The following ZNF536 variants were observed in gnomAD, a reference collection of about 807,000 sequenced individuals.
ZNF536 encodes the protein zinc finger protein 536.
ZNF536 carries 13 observed loss-of-function variants against 84.5 expected under a neutral mutation model. That is an observed-to-expected ratio of 0.15 (90% CI 0.10 to 0.24). The LOEUF (loss-of-function observed/expected upper bound fraction) is 0.24, where lower values mean the gene tolerates loss of function less well. Ranked by LOEUF, ZNF536 falls within the 10% of genes least tolerant of loss-of-function variation. ZNF536 has a pLI of 1.00. For synonymous variants in ZNF536, 811 were observed against 742.5 expected (o/e 1.09, Z -1.50); for missense variants, 1,536 against 1,747.5 (o/e 0.88, Z 2.16).
At chr19:30,486,813 G>C (rs1039124651) in intron 2 of ZNF536, among the ~76,000 whole-genome samples, 1 of 152,078 alleles carries the variant, frequency 6.6e-6, no homozygotes, top group African/African-American at 2.4e-5. Flanking sequence ...CATCTCATCT[G>C]TTTTTGGCCT....
intron 1 of ZNF536, among the ~76,000 whole-genome samples, chr19:30,651,861 C>T (rs1203921437): frequency 6.6e-6 from 1 of 152,208 alleles, no homozygotes; most frequent in Non-Finnish European, 1.5e-5. Flanking sequence ...CTCTTTTGTT[C>T]TAACAGAAGC....
chr19:30,242,010 A>G (rs552656373), intron 1 of ZNF536, among the ~76,000 whole-genome samples: 5 of 152,146 alleles, frequency 3.3e-5, no homozygotes, highest in Admixed American at 2.0e-4. Context: ...CTTTCTTTGC[A>G]TGGGGAAGGG....
At chr19:30,418,366 T>C (rs1568409666) in intron 1 of ZNF536, among the ~76,000 whole-genome samples, 1 of 152,178 alleles carries the variant, frequency 6.6e-6, no homozygotes, top group African/African-American at 2.4e-5. Flanking sequence ...ATTCCCACCG[T>C]GGGTGCAGCA....
chr19:30,419,737 C>T (rs1262338477), intron 1 of ZNF536, among the ~76,000 whole-genome samples: 2 of 152,180 alleles, frequency 1.3e-5, no homozygotes, highest in Non-Finnish European at 2.9e-5. Flanking sequence ...AGAGGCAGCA[C>T]GCTCCGTCTC....
chr19:30,264,395 C>CTGTGTGTGTGTGTGTG (rs66665013), intron 1 of ZNF536, among the ~76,000 whole-genome samples: 1 of 124,556 alleles, frequency 8.0e-6, no homozygotes, highest in Non-Finnish European at 1.9e-5. Flanking sequence ...AGTTGTGCCT[C>CTGTGTGTGTGTGTGTG]TGTGTGTGTG....
chr19:30,247,701 C>T (rs1409980625), intron 1 of ZNF536, among the ~76,000 whole-genome samples: 1 of 152,094 alleles, frequency 6.6e-6, no homozygotes, highest in Non-Finnish European at 1.5e-5. Context: ...TGGTGGTATA[C>T]ACCTTTAGTC....
At chr19:30,303,303 C>G (rs2046245304) in intron 2 of ZNF536, among the ~76,000 whole-genome samples, 1 of 152,180 alleles carries the variant, frequency 6.6e-6, no homozygotes, top group African/African-American at 2.4e-5. Context: ...AGCTCGGTGG[C>G]TGGTGCATCT....
intron 1 of ZNF536, among the ~76,000 whole-genome samples, chr19:30,568,044 T>A (rs1348342307): frequency 6.6e-6 from 1 of 152,218 alleles, no homozygotes; most frequent in South Asian, 2.1e-4. Context: ...TAAAAACATA[T>A]GGTGCCTGTA....
chr19:30,350,770 C>T (rs1427652111), intron 2 of ZNF536, among the ~76,000 whole-genome samples: 1 of 152,164 alleles, frequency 6.6e-6, no homozygotes, highest in Non-Finnish European at 1.5e-5. Context: ...TTGTTCTGTG[C>T]CACAAATATA....
At chr19:30,344,679 T>G (rs1432984784) in intron 2 of ZNF536, among the ~76,000 whole-genome samples, 1 of 151,478 alleles carries the variant, frequency 6.6e-6, no homozygotes, top group Non-Finnish European at 1.5e-5. Flanking sequence ...GCAGGCCATT[T>G]TTTTTTAAAG....
At chr19:30,706,998 A>G (rs1169109653) in intron 1 of ZNF536, among the ~76,000 whole-genome samples, 6 of 152,212 alleles carry the variant, frequency 3.9e-5, no homozygotes, top group Non-Finnish European at 8.8e-5. Flanking sequence ...GCCTCCAGCT[A>G]CAAATTGGGC....
At chr19:30,238,624 C>T (rs970955715) in intron 1 of ZNF536, among the ~76,000 whole-genome samples, 2 of 152,130 alleles carry the variant, frequency 1.3e-5, no homozygotes, top group South Asian at 4.2e-4. Context: ...TCCTCCCTCC[C>T]TCCCTTTCTC....
chr19:30,455,679 C>T (rs1231060796), intron 2 of ZNF536, among the ~76,000 whole-genome samples: 2 of 152,182 alleles, frequency 1.3e-5, no homozygotes, highest in African/African-American at 2.4e-5. Context: ...CCAGCCTGGG[C>T]AACAGAGCAA....
chr19:30,652,094 T>C (rs1343071040), intron 1 of ZNF536, among the ~76,000 whole-genome samples: 2 of 152,222 alleles, frequency 1.3e-5, no homozygotes, highest in Non-Finnish European at 2.9e-5. Context: ...ACCATTCCTA[T>C]TGGGTTTTAT....
At chr19:30,330,405 C>G (rs2047172210) in intron 2 of ZNF536, among the ~76,000 whole-genome samples, 1 of 152,132 alleles carries the variant, frequency 6.6e-6, no homozygotes. Context: ...TTACATCTGC[C>G]TTTGTTTGGT....
At chr19:30,392,462 C>A (rs1368443) in intron 1 of ZNF536, among the ~76,000 whole-genome samples, 1,874 of 152,240 alleles carry the variant, frequency 0.012, 22 homozygotes, top group Non-Finnish European at 0.017. Context: ...AGAATCCGTG[C>A]CCTGCACCAC....
chr19:30,699,109 G>GT (rs1384081413), intron 1 of ZNF536, among the ~76,000 whole-genome samples: 1 of 152,058 alleles, frequency 6.6e-6, no homozygotes, highest in Non-Finnish European at 1.5e-5. Flanking sequence ...AATATGTGGG[G>GT]GTTTTTTTTT....
chr19:30,280,273 C>T (rs1297224236), intron 1 of ZNF536, among the ~76,000 whole-genome samples: 1 of 151,946 alleles, frequency 6.6e-6, no homozygotes, highest in Non-Finnish European at 1.5e-5. Flanking sequence ...TTTTCCCTCC[C>T]ACTTCCATTT....
intron 1 of ZNF536, among the ~76,000 whole-genome samples, chr19:30,593,450 G>A (rs543231851): frequency 5.9e-5 from 9 of 152,264 alleles, no homozygotes; most frequent in African/African-American, 2.2e-4. Context: ...TTCAGCAGCA[G>A]ACAGGCCACA....
Sources: allele counts gnomAD v4.1 joint callset (sites outside exome capture counted in the v4.1 genomes callset), GRCh38; gene constraint gnomAD v4.1.1; transcripts MANE v1.5; gene names NCBI Gene and HGNC (gene_info 2026-07-23, HGNC 2026-07-21).